The following IPCEF1 variants were observed in gnomAD, a reference collection of about 807,000 sequenced individuals.
The protein encoded by IPCEF1 is interactor protein for cytohesin exchange factors 1.
Under a neutral mutation model 50.9 loss-of-function variants are expected in IPCEF1, and 31 were observed. That is an observed-to-expected ratio of 0.61 (90% CI 0.46 to 0.82). IPCEF1 has a LOEUF of 0.82. IPCEF1 is among the 40% of genes least tolerant of loss of function. The pLI is 0.00. For missense variants in IPCEF1, 458 were observed against 514.0 expected (o/e 0.89, Z 1.05); for synonymous variants, 181 against 192.0 (o/e 0.94, Z 0.47).
chr6:154,354,701 T>C (rs1164115256), intron 1 of IPCEF1, among the ~76,000 whole-genome samples: 1 of 151,974 alleles, frequency 6.6e-6, no homozygotes, highest in Admixed American at 6.6e-5. Context: ...TTTACTGACC[T>C]GGGGATTTTT....
At chr6:154,293,068 GT>G (rs1562582308) in intron 1 of IPCEF1, among the ~76,000 whole-genome samples, 4 of 152,148 alleles carry the variant, frequency 2.6e-5, no homozygotes, top group African/African-American at 9.7e-5. Context: ...ACTTTTTGCC[GT>G]GGGGGCCTCA....
intron 1 of IPCEF1, among the ~76,000 whole-genome samples, chr6:154,294,529 G>C (rs1782591012): frequency 6.6e-6 from 1 of 152,106 alleles, no homozygotes; most frequent in Non-Finnish European, 1.5e-5. Flanking sequence ...CCTTCGACTG[G>C]CCTGTGCACA....
At chr6:154,219,648 AT>A (rs1769907059) in intron 7 of IPCEF1, among the ~76,000 whole-genome samples, 1 of 152,154 alleles carries the variant, frequency 6.6e-6, no homozygotes, top group African/African-American at 2.4e-5. Context: ...TAAAAAAAAA[AT>A]AAGTAAAGAT....
At chr6:154,186,681 C>G (rs971987400) in intron 10 of IPCEF1, among the ~76,000 whole-genome samples, 2 of 152,160 alleles carry the variant, frequency 1.3e-5, no homozygotes, top group South Asian at 2.1e-4. Flanking sequence ...CTCAGCCTCC[C>G]GAGTAGCTGG....
At chr6:154,299,840 A>G in intron 1 of IPCEF1, among the ~76,000 whole-genome samples, 1 of 140,942 alleles carries the variant, frequency 7.1e-6, no homozygotes, top group East Asian at 2.0e-4. Flanking sequence ...AGCAAATACC[A>G]TAAAATGTTT....
intron 1 of IPCEF1, among the ~76,000 whole-genome samples, chr6:154,320,930 G>T (rs1783357025): frequency 6.6e-6 from 1 of 152,030 alleles, no homozygotes. Flanking sequence ...GTATATTCAT[G>T]AATTCTTTTT....
At chr6:154,218,541 T>A (rs190787763) in intron 7 of IPCEF1, among the ~76,000 whole-genome samples, 145 of 152,272 alleles carry the variant, frequency 9.5e-4, no homozygotes, top group African/African-American at 3.3e-3. Context: ...ACACCTCTCA[T>A]CTTACCAAGT....
At chr6:154,282,640 TA>T (rs1782252172) in intron 2 of IPCEF1, among the ~76,000 whole-genome samples, 1 of 151,978 alleles carries the variant, frequency 6.6e-6, no homozygotes, top group Non-Finnish European at 1.5e-5. Flanking sequence ...TGAGCCGAGA[TA>T]GCACCACTGC....
chr6:154,317,208 A>G (rs1783242249), intron 1 of IPCEF1, among the ~76,000 whole-genome samples: 1 of 152,178 alleles, frequency 6.6e-6, no homozygotes, highest in Admixed American at 6.5e-5. Context: ...TAGAATACAT[A>G]AAGAATTCCT....
At chr6:154,183,301 G>A (rs753588445) in intron 10 of IPCEF1, among the ~76,000 whole-genome samples, 36 of 152,230 alleles carry the variant, frequency 2.4e-4, no homozygotes, top group African/African-American at 5.1e-4. Flanking sequence ...TCAAGATGGC[G>A]CTCTCATTCA....
chr6:154,243,423 T>G (rs1429838038), intron 5 of IPCEF1, among the ~76,000 whole-genome samples: 2 of 152,158 alleles, frequency 1.3e-5, no homozygotes, highest in Non-Finnish European at 2.9e-5. Flanking sequence ...CTCAATGAAT[T>G]CTAGGTAGTA....
chr6:154,174,872 T>C (rs1378532661), intron 10 of IPCEF1, among the ~76,000 whole-genome samples: 2 of 152,118 alleles, frequency 1.3e-5, no homozygotes, highest in African/African-American at 4.8e-5. Context: ...AATATAGATT[T>C]TTCTCAGCAC....
chr6:154,315,127 C>T (rs1207408310), intron 1 of IPCEF1, among the ~76,000 whole-genome samples: 3 of 152,182 alleles, frequency 2.0e-5, no homozygotes, highest in Non-Finnish European at 4.4e-5. Flanking sequence ...AAATGATCTG[C>T]CCGCCTTGGC....
chr6:154,228,204 G>A (rs534607904), intron 5 of IPCEF1, among the ~76,000 whole-genome samples: 7 of 151,862 alleles, frequency 4.6e-5, no homozygotes, highest in South Asian at 2.1e-4. Context: ...GGTGGCTCAC[G>A]CCTGTAATCC....
At chr6:154,349,438 G>T (rs1214195250) in intron 1 of IPCEF1, among the ~76,000 whole-genome samples, 1 of 150,290 alleles carries the variant, frequency 6.7e-6, no homozygotes, top group Non-Finnish European at 1.5e-5. Context: ...CGTTGCTTGG[G>T]CTGTTCTCAA....
At chr6:154,266,387 A>T (rs75944363) in intron 2 of IPCEF1, among the ~76,000 whole-genome samples, 1 of 151,942 alleles carries the variant, frequency 6.6e-6, no homozygotes, top group Non-Finnish European at 1.5e-5. Flanking sequence ...CCTGTCTCTT[A>T]AAAAAATTTT....
At chr6:154,189,095 A>T (rs1164101031) in intron 10 of IPCEF1, among the ~76,000 whole-genome samples, 1 of 152,250 alleles carries the variant, frequency 6.6e-6, no homozygotes, top group Non-Finnish European at 1.5e-5. Flanking sequence ...AGTATCCAGA[A>T]TGTATACATT....
At position 154,228,160 on chromosome 6, in the gene IPCEF1, C is replaced by T. The variant is rs189451288; in HGVS notation, c.247-4917G>A. ...GGGATCCTTCTTCTTCAATTCCTAA[C>T]TTTCTAAAAAGTTTCCTGCAGGCAG... On this transcript the variant is annotated intron_variant, in intron 5 of 11. Coordinates refer to ENST00000367220, the MANE Select transcript of IPCEF1 (RefSeq NM_001130700.2). 2.7e-3 allele frequency among the ~76,000 whole-genome samples: 407 copies of T among 152,062 alleles called. 4 individuals carry two copies. The highest frequency in any genetic ancestry group is 0.024 in the Admixed American group (359 of 15,274).
chr6:154,315,396 A>G (rs767479021), intron 1 of IPCEF1, among the ~76,000 whole-genome samples: 1 of 152,220 alleles, frequency 6.6e-6, no homozygotes, highest in Non-Finnish European at 1.5e-5. Context: ...GAGCCCTTAG[A>G]AACTGAACAG....
Sources: allele counts gnomAD v4.1 joint callset (sites outside exome capture counted in the v4.1 genomes callset), GRCh38; gene constraint gnomAD v4.1.1; transcripts MANE v1.5; gene names NCBI Gene and HGNC (gene_info 2026-07-23, HGNC 2026-07-21).